ZCCHC24: variants seen among roughly 807,000 people sequenced by gnomAD.
ZCCHC24 encodes the protein zinc finger CCHC-type containing 24, also known as zinc finger CCHC domain-containing protein 24.
ZCCHC24 carries 10 observed loss-of-function variants against 26.2 expected under a neutral mutation model. The observed-to-expected ratio is 0.38, with a 90% CI of 0.24 to 0.65. ZCCHC24 has a LOEUF of 0.65. Among genes scored for constraint, ZCCHC24 ranks in the 30% least tolerant of loss-of-function variants. The pLI is 0.54. For missense variants in ZCCHC24, 243 were observed against 329.1 expected, an observed-to-expected ratio of 0.74 and a Z score of 2.03; for synonymous variants, 144 against 147.1, an observed-to-expected ratio of 0.98 and a Z score of 0.15.
intron 2 of ZCCHC24, among the ~76,000 whole-genome samples, chr10:79,400,197 T>C (rs916454613): frequency 5.3e-5 from 8 of 152,208 alleles, no homozygotes; most frequent in Non-Finnish European, 1.2e-4. Flanking sequence ...AAATGTGCAT[T>C]CCTTATCCTA....
intron 1 of ZCCHC24, among the ~76,000 whole-genome samples, chr10:79,437,887 G>A (rs1174437034): frequency 6.6e-6 from 1 of 152,218 alleles, no homozygotes; most frequent in African/African-American, 2.4e-5. Flanking sequence ...GGTAGCAGGA[G>A]TTAGGGCAGG....
Position 79,386,336 on chromosome 10 carries a change from G to C in ZCCHC24, c.*9C>G, listed in dbSNP as rs1241288979. 6.2e-7 allele frequency: 1 copy of C among 1,610,776 alleles called. No individual in the cohort carries two copies. The highest frequency in any genetic ancestry group is 8.5e-7 in the Non-Finnish European group (1 of 1,178,452). ...CGGGGGGTGGCTCTGGGTGCGGGCG[G>C]GCAGCCCGTCACTGCACGCGACGGC... On this transcript the variant is annotated 3_prime_UTR_variant, in exon 4 of 4. Coordinates refer to ENST00000372336, the MANE Select transcript of ZCCHC24 (RefSeq NM_153367.4).
In ZCCHC24 at chr10:79,445,564, C is replaced by G. The variant is rs1363945277; in HGVS notation, c.-124G>C. On this transcript the variant is annotated 5_prime_UTR_variant, in exon 1 of 4. Coordinates refer to ENST00000372336, the MANE Select transcript of ZCCHC24 (RefSeq NM_153367.4). ...TCCCGAGCCCCGACGGTGATCGCCC[C>G]GCGCCCTGCGCCCCGCGCGCTGCCC... 4.3e-5 allele frequency: 37 copies of G among 859,462 alleles called. No homozygotes were observed. The Admixed American group carries it at 1.9e-3, about 43-fold the overall frequency. The allele number at this position is 859,462 out of a possible 1,614,324, so 53.2% of individuals were successfully genotyped here.
chr10:79,430,712 A>ACACACACACCCC (rs1311631405), intron 2 of ZCCHC24, among the ~76,000 whole-genome samples: 3 of 149,012 alleles, frequency 2.0e-5, no homozygotes, highest in African/African-American at 5.0e-5. Context: ...ACACACACAC[A>ACACACACACCCC]CCCTCTGCTA....
At chr10:79,440,862 G>A (rs1300010314) in intron 1 of ZCCHC24, among the ~76,000 whole-genome samples, 5 of 152,060 alleles carry the variant, frequency 3.3e-5, no homozygotes, top group African/African-American at 1.2e-4. Context: ...AGGTCCACGA[G>A]GTGTGGTCTT....
At chr10:79,413,742 G>C (rs1037297203) in intron 2 of ZCCHC24, among the ~76,000 whole-genome samples, 1 of 149,924 alleles carries the variant, frequency 6.7e-6, no homozygotes. Context: ...GGTGGAAAAA[G>C]GGTATATGTG....
intron 3 of ZCCHC24, among the ~76,000 whole-genome samples, chr10:79,390,290 T>C (rs906429990): frequency 2.6e-5 from 4 of 152,208 alleles, no homozygotes. Flanking sequence ...CTCCATAAAA[T>C]GGGGGCTAAG....
At chr10:79,444,738 C>A (rs954383694) in intron 1 of ZCCHC24, among the ~76,000 whole-genome samples, 3 of 152,230 alleles carry the variant, frequency 2.0e-5, no homozygotes, top group Admixed American at 1.3e-4. Context: ...ATTTTAGGCC[C>A]TTCCAGAGGA....
intron 2 of ZCCHC24, among the ~76,000 whole-genome samples, chr10:79,407,132 G>A (rs1432436535): frequency 6.6e-6 from 1 of 152,184 alleles, no homozygotes. Context: ...CTGGACACAC[G>A]CCCCGCAACC....
intron 2 of ZCCHC24, among the ~76,000 whole-genome samples, chr10:79,395,319 T>C (rs1856531498): frequency 6.6e-6 from 1 of 152,238 alleles, no homozygotes; most frequent in Admixed American, 6.5e-5. Flanking sequence ...CCATGCAAGC[T>C]CCGTAGTGCA....
At chr10:79,418,581 T>G (rs1026478443) in intron 2 of ZCCHC24, among the ~76,000 whole-genome samples, 1 of 152,118 alleles carries the variant, frequency 6.6e-6, no homozygotes, top group Non-Finnish European at 1.5e-5. Flanking sequence ...GGGCTGAACC[T>G]GGGGGAGATG....
chr10:79,440,437 C>A (rs1857277395), intron 1 of ZCCHC24, among the ~76,000 whole-genome samples: 1 of 152,152 alleles, frequency 6.6e-6, no homozygotes, highest in Non-Finnish European at 1.5e-5. Flanking sequence ...AGTTTGAGGA[C>A]CAGGGACAAA....
chr10:79,396,926 C>T (rs1184252989), intron 2 of ZCCHC24, among the ~76,000 whole-genome samples: 1 of 152,130 alleles, frequency 6.6e-6, no homozygotes, highest in Admixed American at 6.6e-5. Flanking sequence ...GGAGTAAATG[C>T]AAAACATTTA....
chr10:79,389,189 C>G (rs1856438324), intron 3 of ZCCHC24, among the ~76,000 whole-genome samples: 1 of 152,208 alleles, frequency 6.6e-6, no homozygotes, highest in African/African-American at 2.4e-5. Flanking sequence ...CTGGCACCTG[C>G]CAGCTGCACC....
intron 2 of ZCCHC24, among the ~76,000 whole-genome samples, chr10:79,428,104 A>G (rs2132213065): frequency 6.6e-6 from 1 of 152,328 alleles, no homozygotes; most frequent in East Asian, 1.9e-4. Flanking sequence ...AATAACCAAA[A>G]GGTGGAAGCA....
At chr10:79,431,548 C>T (rs1313090380) in intron 2 of ZCCHC24, among the ~76,000 whole-genome samples, 2 of 152,136 alleles carry the variant, frequency 1.3e-5, no homozygotes, top group African/African-American at 4.8e-5. Flanking sequence ...CTGCCAGGGC[C>T]GTACTCTAAG....
chr10:79,395,054 C>T (rs918572077), intron 2 of ZCCHC24, among the ~76,000 whole-genome samples: 2 of 152,190 alleles, frequency 1.3e-5, no homozygotes, highest in African/African-American at 4.8e-5. Flanking sequence ...CCTGGTTCTG[C>T]ATCTTCCATT....
intron 2 of ZCCHC24, among the ~76,000 whole-genome samples, chr10:79,395,025 C>A (rs1262403364): frequency 6.6e-6 from 1 of 152,224 alleles, no homozygotes; most frequent in East Asian, 1.9e-4. Context: ...AACAGATTAT[C>A]CATCTGGTTC....
At position 79,414,637 on chromosome 10, in the gene ZCCHC24, T is replaced by C. The variant is rs560668453; in HGVS notation, c.447+17921A>G. ...CAGGACCTCAGGAGGATAATTGTGG[T>C]TATGATCACCTGCAGCCACCACAGC... On this transcript the variant is annotated intron_variant, in intron 2 of 3. Transcript: ENST00000372336. 3.3e-5 allele frequency among the ~76,000 whole-genome samples: 5 copies of C among 152,298 alleles called. No homozygotes were observed. In the South Asian group the frequency reaches 1.0e-3, roughly 32 times the overall value.
Sources: gnomAD v4.1 joint callset for allele counts (sites outside exome capture counted in the v4.1 genomes callset) on GRCh38, gnomAD v4.1.1 for gene constraint, MANE v1.5 for transcripts, NCBI Gene and HGNC (gene_info 2026-07-23, HGNC 2026-07-21) for gene names.